The following SEZ6L variants were observed in gnomAD, a reference collection of about 807,000 sequenced individuals.
SEZ6L encodes seizure 6-like protein.
A neutral mutation model predicts 106.2 loss-of-function variants in SEZ6L; 37 were observed. That is an observed-to-expected ratio of 0.35 (90% CI 0.27 to 0.46). The LOEUF is 0.46. SEZ6L is among the 20% of genes least tolerant of loss of function. SEZ6L has a pLI of 1.00. For missense variants in SEZ6L, 1,172 were observed against 1,332.8 expected (o/e 0.88, Z 1.88); for synonymous variants, 541 against 570.4 (o/e 0.95, Z 0.73).
intron 1 of SEZ6L, chr22:26,244,364 T>G (rs935298457): frequency 1.3e-5 from 2 of 152,194 alleles, no homozygotes; most frequent in African/African-American, 4.8e-5. Context: ...CTGAGCACCC[T>G]TTGGTGTTAA....
At position 26,221,854 on chromosome 22, in the gene SEZ6L, A is replaced by G. The variant is rs563572121; in HGVS notation, c.94+52091A>G. Among the ~76,000 whole-genome samples the G allele has an allele frequency of 1.4e-4, 21 of 152,240 alleles. No homozygotes were observed. In the South Asian group the frequency reaches 4.4e-3, roughly 32 times the overall value. Reference sequence around the variant, plus strand: ...CCAAGTCAAGAAAGTTTCATTTCTAAAGATTTATTGTAGGTGAGAATCAAT... The same window carrying G: ...CCAAGTCAAGAAAGTTTCATTTCTAGAGATTTATTGTAGGTGAGAATCAAT... On this transcript the variant is annotated intron_variant, in intron 1 of 16. Coordinates refer to ENST00000248933, the MANE Select transcript of SEZ6L (RefSeq NM_021115.5).
chr22:26,340,835 T>C (rs1039914907), intron 10 of SEZ6L, among the ~76,000 whole-genome samples: 6 of 152,248 alleles, frequency 3.9e-5, no homozygotes, highest in African/African-American at 1.4e-4. Flanking sequence ...TCGATGTCTG[T>C]GTGGCTTTGG....
At chr22:26,188,610 G>T (rs1237557773) in intron 1 of SEZ6L, among the ~76,000 whole-genome samples, 1 of 152,208 alleles carries the variant, frequency 6.6e-6, no homozygotes, top group Non-Finnish European at 1.5e-5. Flanking sequence ...CTGTTCCCAT[G>T]TACTGAGCGG....
intron 1 of SEZ6L, among the ~76,000 whole-genome samples, chr22:26,205,390 C>T (rs749662891): frequency 6.6e-6 from 1 of 152,242 alleles, no homozygotes; most frequent in African/African-American, 2.4e-5. Flanking sequence ...CTCCCCACTC[C>T]TCTTCTCCTC....
At chr22:26,321,103 T>A (rs571820469) in intron 9 of SEZ6L, among the ~76,000 whole-genome samples, 9 of 152,212 alleles carry the variant, frequency 5.9e-5, no homozygotes, top group Non-Finnish European at 7.3e-5. Flanking sequence ...CCCTTCTTAA[T>A]TGTCCATGAT....
chr22:26,217,808 C>T (rs892732134), intron 1 of SEZ6L, among the ~76,000 whole-genome samples: 1 of 152,250 alleles, frequency 6.6e-6, no homozygotes, highest in Non-Finnish European at 1.5e-5. Flanking sequence ...TCCTGCCATA[C>T]GGCATTTTCT....
intron 5 of SEZ6L, among the ~76,000 whole-genome samples, chr22:26,301,627 C>T (rs940914577): frequency 2.0e-5 from 3 of 152,032 alleles, no homozygotes; most frequent in Admixed American, 1.3e-4. Flanking sequence ...GATAGAGGAC[C>T]TCACCTGGGA....
rs561704326 is a variant in SEZ6L, at chr22:26,308,967, C to G, written c.1515-1703C>G. ...ACTATGTAGATGCCCCTTCCCACTC[C>G]TGGAATGCCCCCTGGACTCTACCAC... On this transcript the variant is annotated intron_variant, in intron 6 of 16. Transcript: ENST00000248933. Among the ~76,000 whole-genome samples, 282 of 152,296 alleles carry G rather than the reference C, an allele frequency of 1.9e-3. 2 individuals carry two copies. The highest frequency in any genetic ancestry group is 2.7e-3 in the Admixed American group (42 of 15,294).
intron 12 of SEZ6L, among the ~76,000 whole-genome samples, chr22:26,361,345 A>AAAT (rs1490268837): frequency 6.7e-6 from 1 of 148,978 alleles, no homozygotes; most frequent in African/African-American, 2.4e-5. Flanking sequence ...TAAAAATACA[A>AAAT]AAACAAAAAA....
chr22:26,170,339 T>C lies in SEZ6L; in HGVS notation c.94+576T>C, dbSNP rs115683470. ...TACCGGACTTGGGTGTGGCTTTCGC[T>C]AGAGGCCGGTGGAGGGGGCTGAGGG... On this transcript the variant is annotated intron_variant, in intron 1 of 16. Coordinates refer to ENST00000248933, the MANE Select transcript of SEZ6L (RefSeq NM_021115.5). 8.7e-3 allele frequency among the ~76,000 whole-genome samples: 1,320 copies of C among 152,090 alleles called. 20 individuals are homozygous for C. The highest frequency in any genetic ancestry group is 0.029 in the African/African-American group (1,217 of 41,464).
chr22:26,294,228 C>T, intron 2 of SEZ6L, 64 bp from the exon 3 acceptor site: 1 of 1,559,794 alleles, frequency 6.4e-7, no homozygotes, highest in Non-Finnish European at 8.8e-7. Flanking sequence ...TTCCACCCCA[C>T]AGCCCATGGT....
rs1569473554 is a variant in SEZ6L, at chr22:26,348,632, G to GAGAA, written c.2407+720_2407+721insGAAA. 1.5e-3 allele frequency among the ~76,000 whole-genome samples: 44 copies of GAGAA among 29,290 alleles called. No homozygotes were observed. In the South Asian group the frequency reaches 0.017, roughly 11 times the overall value. The allele number at this position is 29,290 out of a possible 152,430, so 19.2% of individuals were successfully genotyped here. On this transcript the variant is annotated intron_variant, in intron 11 of 16. Transcript: ENST00000248933. ...AGAGAAAAAGAAAGAAAGAAAGAAA[G>GAGAA]AAAGAAAGAAAGAAAAAGAAAGAAA...
At position 26,380,503 on chromosome 22, in the gene SEZ6L, G is replaced by T; in HGVS notation, c.*208G>T. On this transcript the variant is annotated 3_prime_UTR_variant, in exon 17 of 17. Coordinates refer to ENST00000248933, the MANE Select transcript of SEZ6L (RefSeq NM_021115.5). ...TGGGTTTGGATGTTTCGCGGCCTCA[G>T]CCAAATTCATGTTACAGCCTCAATT... is the stretch of plus-strand genomic sequence containing the variant. The T allele has an allele frequency of 2.3e-6, 1 of 442,812 alleles. No homozygotes were observed. The allele number at this position is 442,812 out of a possible 1,614,324, so 27.4% of individuals were successfully genotyped here. A position where few individuals can be genotyped will look rare whatever the true frequency, so the allele number is the denominator to read the frequency against.
chr22:26,375,755 G>A (rs1359924048), intron 15 of SEZ6L, 66 bp downstream of exon 15: 11 of 1,236,938 alleles, frequency 8.9e-6, no homozygotes, highest in South Asian at 5.5e-5. Flanking sequence ...GGACTGGGCG[G>A]TTCACCTCTC....
At chr22:26,301,856 A>G (rs1474298608) in intron 5 of SEZ6L, among the ~76,000 whole-genome samples, 1 of 152,228 alleles carries the variant, frequency 6.6e-6, no homozygotes. Flanking sequence ...ACTAAACTGC[A>G]GAGAAAATAT....
intron 1 of SEZ6L, among the ~76,000 whole-genome samples, chr22:26,275,901 C>T (rs935506393): frequency 2.0e-5 from 3 of 152,144 alleles, no homozygotes; most frequent in African/African-American, 7.2e-5. Context: ...ATAGGTGGTG[C>T]TCACTCTGGA....
intron 11 of SEZ6L, among the ~76,000 whole-genome samples, chr22:26,349,296 ATTGG>A (rs2083194135): frequency 1.3e-5 from 2 of 152,182 alleles, no homozygotes; most frequent in South Asian, 4.1e-4. Context: ...TTAACCTTTC[ATTGG>A]TTAATCTCCT....
chr22:26,170,587 C>A (rs1041470808), intron 1 of SEZ6L, among the ~76,000 whole-genome samples: 3 of 152,076 alleles, frequency 2.0e-5, no homozygotes, highest in South Asian at 2.1e-4. Flanking sequence ...TGGAACCATA[C>A]CCTCTCTCCA....
At chr22:26,215,724 C>G (rs1242383129) in intron 1 of SEZ6L, among the ~76,000 whole-genome samples, 1 of 152,178 alleles carries the variant, frequency 6.6e-6, no homozygotes, top group Non-Finnish European at 1.5e-5. Flanking sequence ...GTTGTGCCCC[C>G]AGCCTGAGGT....
Sources: allele counts gnomAD v4.1 joint callset (sites outside exome capture counted in the v4.1 genomes callset), GRCh38; gene constraint gnomAD v4.1.1; transcripts MANE v1.5; gene names NCBI Gene and HGNC (gene_info 2026-07-23, HGNC 2026-07-21).